VPS13A: variants seen among roughly 807,000 people sequenced by gnomAD.
VPS13A encodes the protein intermembrane lipid transfer protein VPS13A.
A neutral mutation model predicts 390.9 loss-of-function variants in VPS13A; 264 were observed. The ratio of observed to expected loss-of-function variants is 0.68; its 90% confidence interval spans 0.61 to 0.75. The LOEUF is 0.75. Among genes scored for constraint, VPS13A ranks in the 30% least tolerant of loss-of-function variants. The pLI, the probability that VPS13A is intolerant of heterozygous loss-of-function variation, is 0.00. For synonymous variants in VPS13A, 1,231 were observed against 1,227.1 expected, an observed-to-expected ratio of 1.00 and a Z score of -0.07; for missense variants, 3,409 against 3,733.9, an observed-to-expected ratio of 0.91 and a Z score of 2.27.
chr9:77,405,360 G>A (rs1019977841), intron 69 of VPS13A, among the ~76,000 whole-genome samples: 1 of 152,128 alleles, frequency 6.6e-6, no homozygotes, highest in East Asian at 1.9e-4. Flanking sequence ...ATTCTAAGGC[G>A]TTAATTATAT....
At chr9:77,201,738 G>A (rs1825341967) in intron 3 of VPS13A, among the ~76,000 whole-genome samples, 1 of 152,032 alleles carries the variant, frequency 6.6e-6, no homozygotes, top group African/African-American at 2.4e-5. Context: ...GATTAACATT[G>A]GATATATTGT....
intron 14 of VPS13A, 52 bp from the exon 15 acceptor site, chr9:77,226,414 G>A: frequency 6.6e-7 from 1 of 1,524,578 alleles, no homozygotes; most frequent in South Asian, 1.1e-5. Flanking sequence ...ATTTGTTTCA[G>A]TTGCTAAATA....
intron 35 of VPS13A, among the ~76,000 whole-genome samples, chr9:77,312,512 C>T (rs545797188): frequency 1.4e-4 from 21 of 151,906 alleles, no homozygotes; most frequent in South Asian, 1.2e-3. Flanking sequence ...CTGCAAGCTC[C>T]GCCTCCCGGG....
In VPS13A at chr9:77,226,561, A is replaced by G. The variant is rs1404772205; in HGVS notation, c.1320A>G (p.Gln440=). 1.9e-6 allele frequency: 3 copies of G among 1,613,120 alleles called. No homozygotes were observed. Among genetic ancestry groups the G allele is most frequent in the Admixed American group, 1.7e-5 (1 of 59,972 alleles). ...WFSWLWSWSE[Q]NTNEQQPDVQ... is the part of the protein sequence containing the mutation. ...GCTGGCTATGGTCTTGGTCAGAACA[A>G]AATACTAATGAACAGCAACCAGATG... Residue 440 remains glutamine (Q), a synonymous_variant, in exon 15 of 72, where the codon CAA becomes CAG. Coordinates refer to ENST00000360280, the MANE Select transcript of VPS13A (RefSeq NM_033305.3).
intron 27 of VPS13A, 104 bp from the exon 28 acceptor site, chr9:77,281,763 A>T (rs905844604): frequency 1.5e-6 from 1 of 667,662 alleles, no homozygotes; most frequent in African/African-American, 1.8e-5. Context: ...ATATATGTAT[A>T]TGAACAGCTG....
chr9:77,339,517 G>C lies in VPS13A; in HGVS notation c.6380G>C (p.Gly2127Ala). The part of the protein sequence containing the change: ...LPYKIAYYIE[G>A]IENSVFTLSE... The stretch of plus-strand genomic sequence containing the variant: ...TTGTTTTTTTTTTTTTTATTACAGG[G>C]AATTGAAAATTCGGTTTTTACTCTA... The change falls in exon 48 of 72, where the codon GGA becomes GCA. Residue 2127 changes from glycine (G) to alanine (A), a missense_variant and splice_region_variant. Transcript: ENST00000360280. 1 of 1,526,124 alleles carries C rather than the reference G, an allele frequency of 6.6e-7. No individual in the cohort carries two copies. 94.5% of individuals were successfully genotyped at this position (1,526,124 alleles called of 1,614,324 possible).
intron 34 of VPS13A, among the ~76,000 whole-genome samples, 156 bp from the exon 35 acceptor site, chr9:77,307,789 T>C (rs1256670759): frequency 6.6e-6 from 1 of 152,240 alleles, no homozygotes; most frequent in Admixed American, 6.5e-5. Flanking sequence ...CACATGGTCA[T>C]TTAGAAAACT....
chr9:77,280,666 G>T (rs979934145), intron 27 of VPS13A, among the ~76,000 whole-genome samples: 1 of 151,978 alleles, frequency 6.6e-6, no homozygotes, highest in South Asian at 2.1e-4. Flanking sequence ...TTTATCGTTT[G>T]TTAAGCTTTT....
intron 71 of VPS13A, among the ~76,000 whole-genome samples, chr9:77,412,362 C>T (rs921624435): frequency 6.6e-6 from 1 of 152,080 alleles, no homozygotes; most frequent in South Asian, 2.1e-4. Context: ...ACTGGCAAAC[C>T]GAATCCAGCA....
intron 17 of VPS13A, among the ~76,000 whole-genome samples, chr9:77,233,759 C>T (rs980611414): frequency 6.6e-6 from 1 of 151,892 alleles, no homozygotes; most frequent in African/African-American, 2.4e-5. Flanking sequence ...GGAGAAGATG[C>T]TTGGTGTATT....
Position 77,318,607 on chromosome 9 carries a change from C to T in VPS13A, c.5313+16C>T. ...TGAGCTAGAAGTAAGCATATTTTTC[C>T]AGTTTTATAACAGATAATGATACGT... On this transcript the variant is annotated intron_variant, in intron 41 of 71. Coordinates refer to ENST00000360280, the MANE Select transcript of VPS13A (RefSeq NM_033305.3). 1 of 1,577,490 alleles carries T rather than the reference C, an allele frequency of 6.3e-7. No homozygotes were observed. The highest frequency in any genetic ancestry group is 1.1e-5 in the South Asian group (1 of 90,264).
chr9:77,210,545 GT>G, intron 6 of VPS13A, 70 bp from the exon 7 acceptor site: 3 of 1,506,626 alleles, frequency 2.0e-6, no homozygotes, highest in Non-Finnish European at 2.8e-6. Flanking sequence ...CACATTGACA[GT>G]TTTTTCTATA....
chr9:77,230,645 T>C (rs1587377624), intron 17 of VPS13A, among the ~76,000 whole-genome samples: 1 of 152,134 alleles, frequency 6.6e-6, no homozygotes, highest in Admixed American at 6.5e-5. Flanking sequence ...ATAGTAGAAC[T>C]TGTAATCAGG....
rs527476861 is a variant in VPS13A, at chr9:77,198,470, A to G, written c.101-1475A>G. ...ATCTTCATCATCCACTTGTGGTATT[A>G]TGTCTGCACTCAGAAAGTTTCCGAT... On this transcript the variant is annotated intron_variant, in intron 1 of 71. Transcript: ENST00000360280. Among the ~76,000 whole-genome samples the G allele has an allele frequency of 7.9e-5, 12 of 152,278 alleles. No individual in the cohort carries two copies. The East Asian group carries it at 2.3e-3, about 29-fold the overall frequency.
intron 46 of VPS13A, among the ~76,000 whole-genome samples, chr9:77,333,207 A>G (rs1587603414): frequency 6.6e-6 from 1 of 152,172 alleles, no homozygotes; most frequent in African/African-American, 2.4e-5. Context: ...CTACTTTTTA[A>G]TACATTTCTG....
intron 34 of VPS13A, among the ~76,000 whole-genome samples, chr9:77,303,769 T>C (rs1049336611): frequency 2.0e-5 from 3 of 152,120 alleles, no homozygotes; most frequent in African/African-American, 4.8e-5. Flanking sequence ...TTTATGTTTC[T>C]CTCCACCCAA....
In VPS13A at chr9:77,177,819, G is replaced by C; in HGVS notation, c.100+15G>C. On this transcript the variant is annotated intron_variant, in intron 1 of 71. Coordinates refer to ENST00000360280, the MANE Select transcript of VPS13A (RefSeq NM_033305.3). ...CATCTGGAAAGGTAAGGAGGCCGCCGCCGCCGCTCCCCGGCCTCTCGTGCT... is the reference window on the plus strand; with the variant it reads ...CATCTGGAAAGGTAAGGAGGCCGCCCCCGCCGCTCCCCGGCCTCTCGTGCT... 6.3e-7 allele frequency: 1 copy of C among 1,599,316 alleles called. No individual in the cohort carries two copies.
intron 2 of VPS13A, among the ~76,000 whole-genome samples, 174 bp from the exon 3 acceptor site, chr9:77,201,191 G>A (rs1477682035): frequency 1.3e-5 from 2 of 151,994 alleles, no homozygotes; most frequent in Non-Finnish European, 2.9e-5. Flanking sequence ...TTATGGATTT[G>A]ATAGTAATAT....
intron 67 of VPS13A, among the ~76,000 whole-genome samples, chr9:77,378,930 T>C (rs115679398): frequency 0.029 from 4,391 of 152,126 alleles, 173 homozygotes; most frequent in African/African-American, 0.086. Flanking sequence ...TTTGTGATTT[T>C]TTTCTTTGAC....
Sources: gnomAD v4.1 joint callset for allele counts (sites outside exome capture counted in the v4.1 genomes callset) on GRCh38, gnomAD v4.1.1 for gene constraint, MANE v1.5 for transcripts, NCBI Gene and HGNC (gene_info 2026-07-23, HGNC 2026-07-21) for gene names.